The following LNX1 variants were observed in gnomAD, a reference collection of about 807,000 sequenced individuals.
The protein encoded by LNX1 is E3 ubiquitin-protein ligase LNX.
A neutral mutation model predicts 68.4 loss-of-function variants in LNX1; 54 were observed. The observed-to-expected ratio is 0.79, with a 90% CI of 0.63 to 0.99. LNX1 has a LOEUF of 0.99. Ranked by LOEUF, LNX1 falls within the 50% of genes least tolerant of loss-of-function variation. The pLI, the probability that LNX1 is intolerant of heterozygous loss-of-function variation, is 0.00. For synonymous variants in LNX1, 336 were observed against 350.0 expected (o/e 0.96, Z 0.45); for missense variants, 906 against 926.4 (o/e 0.98, Z 0.29).
rs1560604846 is a variant in LNX1, at chr4:53,461,514, C to T, written c.1972G>A (p.Glu658Lys). The change falls in exon 10 of 11, where the codon GAA becomes AAA. Residue 658 changes from glutamate (E) to lysine (K), a missense_variant. By Grantham distance (56) the Glu-to-Lys change is moderately conservative. Coordinates refer to ENST00000263925, the MANE Select transcript of LNX1 (RefSeq NM_001126328.3). ...AAAGGTTTGTTTCCATTGTATTCTT[C>T]ATAACCTCCTACAATGCAGAAGCCC... ...SLGFCIVGGY[E>K]EYNGNKPFFI... 1 of 1,611,964 alleles carries T rather than the reference C, an allele frequency of 6.2e-7. No individual in the cohort carries two copies. Among genetic ancestry groups the T allele is most frequent in the Admixed American group, 1.7e-5 (1 of 59,852 alleles).
intron 2 of LNX1, among the ~76,000 whole-genome samples, chr4:53,515,512 CA>C (rs55799407): frequency 0.37 from 54,799 of 149,076 alleles, 10,432 homozygotes; most frequent in South Asian, 0.5. Context: ...TTAAGGCCCC[CA>C]CCCCACCAAA....
chr4:53,481,005 C>T (rs1723876712), intron 7 of LNX1, among the ~76,000 whole-genome samples: 1 of 152,112 alleles, frequency 6.6e-6, no homozygotes, highest in Admixed American at 6.6e-5. Flanking sequence ...TTAATTTGGA[C>T]TAAACAAGGT....
intron 6 of LNX1, among the ~76,000 whole-genome samples, chr4:53,492,034 G>A (rs1476200163): frequency 8.6e-5 from 13 of 152,012 alleles, no homozygotes; most frequent in Admixed American, 2.6e-4. Flanking sequence ...TGACCCACCC[G>A]CCTCGGCCTC....
chr4:53,567,338 A>G (rs1257813991), intron 2 of LNX1, among the ~76,000 whole-genome samples: 2 of 148,632 alleles, frequency 1.3e-5, no homozygotes, highest in East Asian at 2.0e-4. Flanking sequence ...AGGATTAAGA[A>G]TCTCACTCAA....
chr4:53,482,104 A>G (rs1396790440), intron 6 of LNX1, among the ~76,000 whole-genome samples: 2 of 152,210 alleles, frequency 1.3e-5, no homozygotes. Flanking sequence ...GTTCCTTCCA[A>G]TCTTTGAAAA....
chr4:53,577,151 AG>A (rs543721696), intron 1 of LNX1, among the ~76,000 whole-genome samples: 2 of 152,378 alleles, frequency 1.3e-5, no homozygotes, highest in South Asian at 4.1e-4. Context: ...GGAATCTCAC[AG>A]GAAATACTTT....
At chr4:53,584,896 A>G (rs1000010609) in intron 1 of LNX1, among the ~76,000 whole-genome samples, 11 of 152,208 alleles carry the variant, frequency 7.2e-5, no homozygotes, top group Non-Finnish European at 1.6e-4. Flanking sequence ...AGTGTAACGT[A>G]TATCACATTT....
intron 6 of LNX1, among the ~76,000 whole-genome samples, chr4:53,482,791 C>G (rs1294745894): frequency 6.6e-6 from 1 of 152,152 alleles, no homozygotes; most frequent in Non-Finnish European, 1.5e-5. Flanking sequence ...AAATCTCAGA[C>G]TTCACCACCA....
intron 9 of LNX1, among the ~76,000 whole-genome samples, chr4:53,469,630 T>C (rs1722995223): frequency 6.6e-6 from 1 of 152,132 alleles, no homozygotes; most frequent in African/African-American, 2.4e-5. Context: ...AAGAATCAAA[T>C]AGATGCAATA....
At chr4:53,507,503 G>C in intron 3 of LNX1, 34 bp from the exon 4 acceptor site, 1 of 1,601,160 alleles carries the variant, frequency 6.2e-7, no homozygotes, top group Non-Finnish European at 8.6e-7. Context: ...CAGTAGTTAT[G>C]ATTTAATAGA....
chr4:53,544,436 C>G (rs1728960713), intron 2 of LNX1, among the ~76,000 whole-genome samples: 1 of 151,916 alleles, frequency 6.6e-6, no homozygotes, highest in Non-Finnish European at 1.5e-5. Context: ...CTCAGGTGAT[C>G]CACCCCTTCG....
At chr4:53,570,664 T>TAATA (rs200529974) in intron 2 of LNX1, among the ~76,000 whole-genome samples, 49,107 of 143,496 alleles carry the variant, frequency 0.34, 8,452 homozygotes, top group Non-Finnish European at 0.36. Context: ...TAAAGTATAA[T>TAATA]AATAAATAAA....
chr4:53,495,962 T>G (rs1460797966), intron 6 of LNX1, 61 bp downstream of exon 6: 1 of 1,559,368 alleles, frequency 6.4e-7, no homozygotes, highest in Non-Finnish European at 8.7e-7. Flanking sequence ...TTCAGGGGGA[T>G]GTGCATTCTT....
At chr4:53,474,766 T>C (rs1434085713) in intron 9 of LNX1, among the ~76,000 whole-genome samples, 2 of 72,970 alleles carry the variant, frequency 2.7e-5, no homozygotes, top group South Asian at 9.4e-4. Context: ...GTGCAGACTC[T>C]ACTTCTTCTT....
intron 1 of LNX1, chr4:53,575,466 ACCTTTGAGAGAGACT>A (rs1731424641): frequency 1.0e-6 from 1 of 974,578 alleles, no homozygotes; most frequent in Non-Finnish European, 1.2e-6. Flanking sequence ...TGATATGCAG[ACCTTTGAGAGAGACT>A]TAAAGGATAT....
intron 2 of LNX1, among the ~76,000 whole-genome samples, chr4:53,612,631 G>A (rs1239252810): frequency 6.6e-6 from 1 of 151,940 alleles, no homozygotes; most frequent in African/African-American, 2.4e-5. Flanking sequence ...ACTGGCCTGG[G>A]CAATATAGCG....
intron 1 of LNX1, among the ~76,000 whole-genome samples, chr4:53,642,560 T>C (rs1243321824): frequency 1.3e-5 from 2 of 152,158 alleles, no homozygotes; most frequent in African/African-American, 4.8e-5. Context: ...GGCACGGTTA[T>C]TCTTTATATG....
intron 2 of LNX1, among the ~76,000 whole-genome samples, chr4:53,554,547 T>C (rs933114354): frequency 6.6e-6 from 1 of 152,244 alleles, no homozygotes; most frequent in African/African-American, 2.4e-5. Context: ...TATGCCCGAA[T>C]GATACATGTT....
intron 6 of LNX1, among the ~76,000 whole-genome samples, chr4:53,485,770 C>A (rs1457100523): frequency 6.6e-6 from 1 of 152,162 alleles, no homozygotes. Flanking sequence ...TTTCTTTCCA[C>A]TAGTATCAAT....
Sources: gnomAD v4.1 joint callset for allele counts (sites outside exome capture counted in the v4.1 genomes callset) on GRCh38, gnomAD v4.1.1 for gene constraint, MANE v1.5 for transcripts, NCBI Gene and HGNC (gene_info 2026-07-23, HGNC 2026-07-21) for gene names.